Variants in ANK2 observed in about 807,000 individuals in gnomAD.
The protein encoded by ANK2 is ankyrin-2.
A neutral mutation model predicts 360.5 loss-of-function variants in ANK2; 83 were observed. The observed-to-expected ratio is 0.23, with a 90% CI of 0.19 to 0.28. The LOEUF (loss-of-function observed/expected upper bound fraction) is 0.28. Among genes scored for constraint, ANK2 ranks in the 10% least tolerant of loss-of-function variants. The pLI is 1.00. For synonymous variants in ANK2, 1,740 were observed against 1,759.5 expected (o/e 0.99, Z 0.28); for missense variants, 4,201 against 4,795.7 (o/e 0.88, Z 3.66).
At chr4:112,725,401 C>G in the ANK2 span, among the ~76,000 whole-genome samples, 1 of 127,046 alleles carries the variant, frequency 7.9e-6, no homozygotes, top group African/African-American at 3.0e-5. Context: ...TGCTGTGTCG[C>G]CCAGGCTGGA....
At chr4:112,783,060 C>T in the ANK2 span, among the ~76,000 whole-genome samples, 1 of 152,118 alleles carries the variant, frequency 6.6e-6, no homozygotes, top group South Asian at 2.1e-4. Flanking sequence ...CAGGCGTGCG[C>T]CACCATGCCT....
intron 1 of ANK2, 98 bp from the exon 2 acceptor site, chr4:113,174,318 A>T (rs750539364): frequency 3.0e-5 from 31 of 1,019,380 alleles, no homozygotes; most frequent in Non-Finnish European, 4.3e-5. Flanking sequence ...TTCCAACTAA[A>T]GCTTTTCTGA....
the ANK2 span, among the ~76,000 whole-genome samples, chr4:112,710,639 A>T: frequency 6.6e-6 from 1 of 151,784 alleles, no homozygotes; most frequent in African/African-American, 2.4e-5. Context: ...TGGAGGTTGC[A>T]GTGAGCCGAG....
chr4:112,808,519 G>A, the ANK2 span, among the ~76,000 whole-genome samples: 1 of 152,196 alleles, frequency 6.6e-6, no homozygotes, highest in Non-Finnish European at 1.5e-5. Context: ...TAAAATTTAA[G>A]TGGGATTAAG....
chr4:112,763,543 T>C, the ANK2 span, among the ~76,000 whole-genome samples: 1 of 135,744 alleles, frequency 7.4e-6, no homozygotes, highest in Non-Finnish European at 1.6e-5. Context: ...TTTTTTTTTC[T>C]TTTCCCCTAG....
rs1435327705 is a variant in ANK2 at position 113,356,423 on chromosome 4, A to G, written c.7805A>G (p.Glu2602Gly). The part of the protein sequence containing the change: ...VTKIKMFDEL[E>G]QEAKQKRDYK... The stretch of plus-strand genomic sequence containing the variant: ...AAAATCAAAATGTTTGATGAACTTG[A>G]ACAAGAAGCAAAGCAGAAAAGGGAC... Residue 2602 changes from glutamate to glycine, a missense_variant, in exon 38 of 46, where the codon GAA (glutamate) becomes GGA (glycine). By Grantham distance (98) the Glu-to-Gly change is moderately conservative. Coordinates refer to ENST00000357077, the MANE Select transcript of ANK2 (RefSeq NM_001148.6). The G allele has an allele frequency of 2.5e-6, 4 of 1,614,070 alleles. No homozygotes were observed. Among genetic ancestry groups the G allele is most frequent in the Non-Finnish European group, 3.4e-6 (4 of 1,180,016 alleles).
At chr4:112,841,834 A>C (rs1455552279) in intron 1 of ANK2, among the ~76,000 whole-genome samples, 1 of 152,190 alleles carries the variant, frequency 6.6e-6, no homozygotes, top group Non-Finnish European at 1.5e-5. Context: ...AGATACATGA[A>C]GTTCTCACAG....
chr4:113,222,732 A>G (rs2099165720), intron 4 of ANK2, among the ~76,000 whole-genome samples: 2 of 152,130 alleles, frequency 1.3e-5, no homozygotes, highest in African/African-American at 4.8e-5. Flanking sequence ...ACTTGATAAA[A>G]CTTAACCTCC....
At chr4:112,812,364 A>G in the ANK2 span, among the ~76,000 whole-genome samples, 1 of 152,200 alleles carries the variant, frequency 6.6e-6, no homozygotes, top group South Asian at 2.1e-4. Flanking sequence ...TCTTCCTATA[A>G]TGTGATATTG....
intron 41 of ANK2, among the ~76,000 whole-genome samples, chr4:113,366,081 G>A (rs2096523066): frequency 6.6e-6 from 1 of 152,080 alleles, no homozygotes; most frequent in Non-Finnish European, 1.5e-5. Flanking sequence ...ACAAAACAAA[G>A]CAAATAACTC....
chr4:113,348,132 A>G (rs2095076450), intron 35 of ANK2, 144 bp from the exon 36 acceptor site: 16 of 771,070 alleles, frequency 2.1e-5, no homozygotes, highest in Non-Finnish European at 2.2e-6. Flanking sequence ...AACTGTTAGT[A>G]ATAAAAAAAG....
At chr4:113,257,125 CTAGTG>C (rs1209525062) in intron 11 of ANK2, among the ~76,000 whole-genome samples, 1 of 152,116 alleles carries the variant, frequency 6.6e-6, no homozygotes. Flanking sequence ...CTGAGAACTG[CTAGTG>C]TGTAAAAACG....
the ANK2 span, among the ~76,000 whole-genome samples, chr4:112,761,808 A>G: frequency 1.3e-5 from 2 of 152,224 alleles, no homozygotes; most frequent in South Asian, 4.1e-4. Flanking sequence ...TTTTCATGCA[A>G]TTGCCTTTTT....
chr4:113,088,393 G>T (rs1042856429), intron 1 of ANK2, among the ~76,000 whole-genome samples: 6 of 152,170 alleles, frequency 3.9e-5, no homozygotes, highest in Admixed American at 6.5e-5. Flanking sequence ...ACATGTCTAT[G>T]CAAACAAAAC....
At chr4:113,289,215 CTTT>C (rs33910138) in intron 20 of ANK2, among the ~76,000 whole-genome samples, 5 of 132,270 alleles carry the variant, frequency 3.8e-5, no homozygotes, top group Admixed American at 7.8e-5. Context: ...ATTTCTTTTT[CTTT>C]TTTTTTTTTT....
At chr4:112,765,952 T>C in the ANK2 span, among the ~76,000 whole-genome samples, 15,195 of 152,168 alleles carry the variant, frequency 0.1, 963 homozygotes, top group Non-Finnish European at 0.14. Context: ...AGTGCCTAGG[T>C]TGGGAACACT....
In ANK2 at chr4:113,369,764, G is replaced by A. The variant is rs747716757; in HGVS notation, c.11569G>A (p.Glu3857Lys). ...VIVESADNQP[E>K]TCERLDEDAA... ...AGTGGAGTCTGCCGATAACCAGCCT[G>A]AGACCTGTGAAAGACTCGATGAAGA... The change falls in exon 43 of 46, where the codon GAG (glutamate) becomes AAG (lysine). Residue 3857 changes from glutamate (E) to lysine (K), a missense_variant. By Grantham distance (56) the Glu-to-Lys change is moderately conservative (BLOSUM62 1). This residue lies in a region of ANK2 where 2,642 missense variants were observed against 2,714.5 expected (regional missense o/e 0.97). Coordinates refer to ENST00000357077, the MANE Select transcript of ANK2 (RefSeq NM_001148.6). 1 of 1,614,142 alleles carries A rather than the reference G, an allele frequency of 6.2e-7. No homozygotes were observed. The highest frequency in any genetic ancestry group is 1.1e-5 in the South Asian group (1 of 91,082).
At chr4:112,802,841 T>C in the ANK2 span, among the ~76,000 whole-genome samples, 1 of 152,124 alleles carries the variant, frequency 6.6e-6, no homozygotes, top group Non-Finnish European at 1.5e-5. Context: ...CCTCCCGAGG[T>C]GATATGTTAG....
chr4:113,184,818 C>T (rs1213723270), intron 2 of ANK2, among the ~76,000 whole-genome samples: 1 of 152,016 alleles, frequency 6.6e-6, no homozygotes, highest in Non-Finnish European at 1.5e-5. Flanking sequence ...ATCAACCCAT[C>T]ATCTACATTA....
Sources: allele counts gnomAD v4.1 joint callset (sites outside exome capture counted in the v4.1 genomes callset), GRCh38; gene constraint gnomAD v4.1.1; regional missense constraint gnomAD v4.1.1; transcripts MANE v1.5; gene names NCBI Gene and HGNC (gene_info 2026-07-23, HGNC 2026-07-21).